Variants in TAFA1 observed in about 807,000 individuals in gnomAD.
TAFA1 encodes TAFA chemokine like family member 1, also known as chemokine-like protein TAFA-1.
Under a neutral mutation model 18.5 loss-of-function variants are expected in TAFA1, and 4 were observed. The ratio of observed to expected loss-of-function variants is 0.22; its 90% CI spans 0.11 to 0.49. The LOEUF (loss-of-function observed/expected upper bound fraction) is 0.49. TAFA1 is among the 20% of genes least tolerant of loss of function. TAFA1 has a pLI of 0.98. For missense variants in TAFA1, 147 were observed against 169.0 expected (o/e 0.87, Z 0.72); for synonymous variants, 56 against 55.2 (o/e 1.01, Z -0.06).
At chr3:68,113,623 A>C (rs1295635072) in intron 2 of TAFA1, among the ~76,000 whole-genome samples, 1 of 152,192 alleles carries the variant, frequency 6.6e-6, no homozygotes, top group African/African-American at 2.4e-5. Context: ...CACGGCATGG[A>C]AGAAGAAATA....
chr3:68,126,904 G>A (rs1038122665), intron 2 of TAFA1, among the ~76,000 whole-genome samples: 8 of 152,170 alleles, frequency 5.3e-5, no homozygotes, highest in African/African-American at 1.4e-4. Flanking sequence ...CCTCTTCAAG[G>A]CAATGGGTTC....
chr3:68,364,645 G>A (rs2069532012), intron 2 of TAFA1, among the ~76,000 whole-genome samples: 1 of 152,130 alleles, frequency 6.6e-6, no homozygotes, highest in Admixed American at 6.5e-5. Flanking sequence ...GTATATCTAA[G>A]AAAAGCATAG....
chr3:68,108,435 GGTGTGTGT>G (rs59097248), intron 2 of TAFA1, among the ~76,000 whole-genome samples: 35 of 141,220 alleles, frequency 2.5e-4, no homozygotes, highest in South Asian at 4.8e-4. Context: ...TTTATTTGAA[GGTGTGTGT>G]GTGTGTGTGT....
chr3:68,382,527 A>G (rs1031798699), intron 2 of TAFA1, among the ~76,000 whole-genome samples: 1 of 151,824 alleles, frequency 6.6e-6, no homozygotes, highest in Non-Finnish European at 1.5e-5. Context: ...TGAGATTATT[A>G]TCGTTATGGG....
chr3:68,220,819 T>C (rs975392122), intron 2 of TAFA1, among the ~76,000 whole-genome samples: 7 of 152,146 alleles, frequency 4.6e-5, no homozygotes, highest in Non-Finnish European at 7.4e-5. Context: ...TAAGGGTCAC[T>C]CACAGTATTC....
intron 2 of TAFA1, among the ~76,000 whole-genome samples, chr3:68,359,014 T>G (rs1213060142): frequency 1.3e-5 from 2 of 152,046 alleles, no homozygotes; most frequent in African/African-American, 4.8e-5. Context: ...GTCTCACCAC[T>G]ATAACAAAAT....
chr3:68,122,003 G>T (rs2065405295), intron 2 of TAFA1, among the ~76,000 whole-genome samples: 1 of 152,094 alleles, frequency 6.6e-6, no homozygotes, highest in South Asian at 2.1e-4. Flanking sequence ...AAAGCACTCT[G>T]CTAGGCCCTT....
chr3:68,053,142 A>C (rs2064492772), intron 2 of TAFA1, among the ~76,000 whole-genome samples: 1 of 152,120 alleles, frequency 6.6e-6, no homozygotes, highest in Non-Finnish European at 1.5e-5. Flanking sequence ...TCCATTTCAA[A>C]GTCTTCACGA....
intron 2 of TAFA1, among the ~76,000 whole-genome samples, chr3:68,416,396 C>G (rs918616128): frequency 6.6e-6 from 1 of 152,150 alleles, no homozygotes; most frequent in Non-Finnish European, 1.5e-5. Context: ...CAACTGCATC[C>G]TAAATGCCAA....
chr3:68,052,353 T>A (rs1408741467), intron 2 of TAFA1, among the ~76,000 whole-genome samples: 2 of 152,156 alleles, frequency 1.3e-5, no homozygotes, highest in Non-Finnish European at 1.5e-5. Context: ...CTTTTTTGTT[T>A]TGGTACTCAA....
At chr3:68,153,559 C>G (rs2065831887) in intron 2 of TAFA1, among the ~76,000 whole-genome samples, 1 of 152,114 alleles carries the variant, frequency 6.6e-6, no homozygotes, top group African/African-American at 2.4e-5. Flanking sequence ...ATTGAGCTCT[C>G]ACAGACTCGT....
intron 2 of TAFA1, among the ~76,000 whole-genome samples, chr3:68,058,374 G>A (rs1352081837): frequency 6.6e-6 from 1 of 152,144 alleles, no homozygotes; most frequent in Non-Finnish European, 1.5e-5. Flanking sequence ...GACTATTATT[G>A]CAACATAACA....
intron 2 of TAFA1, among the ~76,000 whole-genome samples, chr3:68,380,962 G>C (rs975466641): frequency 1.3e-5 from 2 of 149,444 alleles, no homozygotes; most frequent in African/African-American, 5.0e-5. Context: ...TGTAAGGAAG[G>C]GATCCAGTTT....
chr3:68,476,359 C>T (rs535933201), intron 3 of TAFA1, among the ~76,000 whole-genome samples: 4 of 152,208 alleles, frequency 2.6e-5, no homozygotes, highest in South Asian at 2.1e-4. Flanking sequence ...GAAAAGTGCT[C>T]GGGACCTGTC....
At chr3:68,270,531 A>G (rs1441439724) in intron 2 of TAFA1, among the ~76,000 whole-genome samples, 1 of 152,202 alleles carries the variant, frequency 6.6e-6, no homozygotes, top group African/African-American at 2.4e-5. Context: ...TGTCAGGGAA[A>G]TCATTTGGGA....
chr3:68,188,397 G>T (rs2066295050), intron 2 of TAFA1, among the ~76,000 whole-genome samples: 1 of 150,798 alleles, frequency 6.6e-6, no homozygotes, highest in South Asian at 2.1e-4. Context: ...TGTCTTAAAG[G>T]TTTTTTTCTA....
chr3:68,381,472 A>C (rs1469706598), intron 2 of TAFA1, among the ~76,000 whole-genome samples: 1 of 152,108 alleles, frequency 6.6e-6, no homozygotes, highest in Non-Finnish European at 1.5e-5. Context: ...GTTCTCCTTG[A>C]AGAGGTCCTT....
intron 2 of TAFA1, among the ~76,000 whole-genome samples, chr3:68,217,471 C>T (rs2066673459): frequency 1.3e-5 from 2 of 152,040 alleles, no homozygotes; most frequent in East Asian, 1.9e-4. Context: ...AGACAGATGG[C>T]TCAATTATCC....
intron 2 of TAFA1, among the ~76,000 whole-genome samples, chr3:68,150,307 T>C (rs180949370): frequency 1.3e-5 from 2 of 152,258 alleles, no homozygotes; most frequent in Admixed American, 6.5e-5. Flanking sequence ...CACTCAGAGG[T>C]TGAGTAATTG....
Sources: allele counts gnomAD v4.1 joint callset (sites outside exome capture counted in the v4.1 genomes callset), GRCh38; gene constraint gnomAD v4.1.1; transcripts MANE v1.5; gene names NCBI Gene and HGNC (gene_info 2026-07-23, HGNC 2026-07-21).